The following CFAP157 variants were observed in gnomAD, a reference collection of about 807,000 sequenced individuals.
CFAP157 encodes cilia and flagella associated protein 157, also known as cilia- and flagella-associated protein 157.
A neutral mutation model predicts 57.8 loss-of-function variants in CFAP157; 43 were observed. That is an observed-to-expected ratio of 0.74 (90% confidence interval 0.58 to 0.96). CFAP157 has a LOEUF of 0.96. Ranked by LOEUF, CFAP157 falls within the 40% of genes least tolerant of loss-of-function variation. CFAP157 has a pLI of 0.00. For missense variants in CFAP157, 606 were observed against 655.3 expected (o/e 0.92, Z 0.82); for synonymous variants, 267 against 269.0 (o/e 0.99, Z 0.07).
intron 1 of CFAP157, among the ~76,000 whole-genome samples, chr9:127,708,162 T>C (rs1842688308): frequency 6.6e-6 from 1 of 152,174 alleles, no homozygotes; most frequent in Non-Finnish European, 1.5e-5. Context: ...TGAAAGATGT[T>C]GGTCAACTAA....
rs1300248255 is a variant in CFAP157 at position 127,709,593 on chromosome 9, CAA to C, written c.335_336del (p.Lys112ArgfsTer66). On this transcript the variant is annotated frameshift_variant, in exon 2 of 9. Transcript: ENST00000373295. LOFTEE classifies it high-confidence loss of function. This position sits in a 1 kb window ranked among gnomAD's most constrained non-coding sequence, Gnocchi z 4.7. Reference protein sequence around the residue: ...NEQLQNLQLAKEMEKDAFEAQ... With the variant: ...NEQLQNLQLAXEMEKDAFEAQ... Reference sequence around the variant, plus strand: ...AGCAGCTCCAGAACTTGCAGCTAGCCAAAGAGATGGAGAAGGATGCCTTCGAG... The same window carrying C: ...AGCAGCTCCAGAACTTGCAGCTAGCCAGAGATGGAGAAGGATGCCTTCGAG... 7 of 1,613,866 alleles carry C rather than the reference CAA, an allele frequency of 4.3e-6. No individual in the cohort carries two copies. Among genetic ancestry groups the C allele is most frequent in the African/African-American group, 1.3e-5 (1 of 74,916 alleles).
Position 127,711,216 on chromosome 9 carries a change from C to T in CFAP157, c.588-13C>T. On this transcript the variant is annotated splice_polypyrimidine_tract_variant and intron_variant, in intron 3 of 8. Transcript: ENST00000373295. ...CTCTGTCTGACCCCTTCCCCTCCCA[C>T]CTTTCTGGCCAGACTGAGGAAAGAG... 4 of 1,612,040 alleles carry T rather than the reference C, an allele frequency of 2.5e-6. No individual in the cohort carries two copies. The highest frequency in any genetic ancestry group is 3.4e-6 in the Non-Finnish European group (4 of 1,178,560).
At position 127,709,636 on chromosome 9, in the gene CFAP157, G is replaced by A. The variant is rs765346649; in HGVS notation, c.376G>A (p.Val126Met). 13 of 1,613,752 alleles carry A rather than the reference G, an allele frequency of 8.1e-6. No individual in the cohort carries two copies. The highest frequency in any genetic ancestry group is 9.3e-6 in the Non-Finnish European group (11 of 1,179,988). ...KDAFEAQLAQ[V>M]RHEFQETKDQ... ...TGCCTTCGAGGCGCAGCTGGCCCAG[G>A]TGCGCCACGAGTTCCAGGAGACCAA... is the stretch of plus-strand genomic sequence containing the variant. The change falls in exon 2 of 9, where the codon GTG (valine) becomes ATG (methionine). Residue 126 changes from valine to methionine, a missense_variant. Coordinates refer to ENST00000373295, the MANE Select transcript of CFAP157 (RefSeq NM_001012502.3). This position sits in a 1 kb window ranked among gnomAD's most constrained non-coding sequence, Gnocchi z 4.7.
Position 127,715,362 on chromosome 9 carries a change from C to T in CFAP157, c.*1457C>T. On this transcript the variant is annotated 3_prime_UTR_variant, in exon 9 of 9. Coordinates refer to ENST00000373295, the MANE Select transcript of CFAP157 (RefSeq NM_001012502.3). The surrounding 1 kb of genome is among the most constrained non-coding windows in gnomAD (Gnocchi z 5.8). ...CCCGACCCCTGAGAACTCCAGAAGG[C>T]TGGGCAGGCAGGGCGCCCTAGTGCA... The T allele has an allele frequency of 8.1e-7, 1 of 1,239,694 alleles. No individual in the cohort carries two copies. Among genetic ancestry groups the T allele is most frequent in the Non-Finnish European group, 1.1e-6 (1 of 874,878 alleles). The allele number at this position is 1,239,694 out of a possible 1,614,324, so 76.8% of individuals were successfully genotyped here.
At position 127,712,285 on chromosome 9, in the gene CFAP157, A is replaced by C. The variant is rs1190964092; in HGVS notation, c.1073A>C (p.Lys358Thr). ...CAGCAGGAACTGGCTAATGAGCAGA[A>C]GGTTCGGGCCAGCCTGGAGGCGGCT... ...RLQQELANEQ[K>T]VRASLEAALV... The change falls in exon 6 of 9, where the codon AAG (lysine) becomes ACG (threonine). Residue 358 changes from lysine to threonine, a missense_variant. By Grantham distance (78) the Lys-to-Thr change is moderately conservative. Transcript: ENST00000373295. The C allele has an allele frequency of 3.1e-6, 5 of 1,613,930 alleles. No homozygotes were observed. In the African/African-American group the frequency reaches 4.0e-5, roughly 13 times the overall value.
chr9:127,711,190 G>A lies in CFAP157; in HGVS notation c.588-39G>A, dbSNP rs202049393. On this transcript the variant is annotated intron_variant, in intron 3 of 8. Transcript: ENST00000373295. Reference sequence around the variant, plus strand: ...AGGGGTGTGCCCAGGGCTTGTGCCCGCTCTGTCTGACCCCTTCCCCTCCCA... The same window carrying A: ...AGGGGTGTGCCCAGGGCTTGTGCCCACTCTGTCTGACCCCTTCCCCTCCCA... 8.1e-6 allele frequency: 13 copies of A among 1,599,284 alleles called. No homozygotes were observed. In the East Asian group the frequency reaches 1.1e-4, roughly 14 times the overall value.
intron 1 of CFAP157, 150 bp downstream of exon 1, chr9:127,707,342 C>T (rs1375713743): frequency 1.3e-6 from 1 of 771,946 alleles, no homozygotes; most frequent in Non-Finnish European, 2.0e-6. Context: ...GCCTCATTTC[C>T]TCATACGTAC....
chr9:127,714,873 G>A lies in CFAP157; in HGVS notation c.*968G>A, dbSNP rs1842893273. On this transcript the variant is annotated 3_prime_UTR_variant, in exon 9 of 9. Coordinates refer to ENST00000373295, the MANE Select transcript of CFAP157 (RefSeq NM_001012502.3). ...ACTGGAGCTCAACAGGTACTTGGAG[G>A]TGAACCCGCGGATCTGTCACAGCCA... The A allele has an allele frequency of 1.8e-6, 2 of 1,117,018 alleles. No homozygotes were observed. Among genetic ancestry groups the A allele is most frequent in the East Asian group, 5.2e-5 (2 of 38,808 alleles). 69.2% of individuals were successfully genotyped at this position (1,117,018 alleles called of 1,614,324 possible). A position where few individuals can be genotyped will look rare whatever the true frequency, so the allele number is the denominator to read the frequency against.
In CFAP157 at chr9:127,714,225, C is replaced by A; in HGVS notation, c.*320C>A. 3 of 1,613,900 alleles carry A rather than the reference C, an allele frequency of 1.9e-6. No homozygotes were observed. Among genetic ancestry groups the A allele is most frequent in the Non-Finnish European group, 2.5e-6 (3 of 1,179,996 alleles). Reference sequence around the variant, plus strand: ...GGGGAGAAGCAGCCCAGCACATGGGCCTGAACCGCCTCAGGGTGCGCCGGG... The same window carrying A: ...GGGGAGAAGCAGCCCAGCACATGGGACTGAACCGCCTCAGGGTGCGCCGGG... On this transcript the variant is annotated 3_prime_UTR_variant, in exon 9 of 9. Transcript: ENST00000373295.
intron 5 of CFAP157, 122 bp from the exon 6 acceptor site, chr9:127,712,077 G>C: frequency 6.6e-7 from 1 of 1,504,838 alleles, no homozygotes; most frequent in Non-Finnish European, 8.9e-7. Context: ...CAGACAGGCT[G>C]AGGCTTGGGG....
At chr9:127,712,544 G>A in intron 6 of CFAP157, 165 bp from the exon 7 acceptor site, 1 of 1,519,204 alleles carries the variant, frequency 6.6e-7, no homozygotes, top group Non-Finnish European at 8.8e-7. Context: ...TTCCTTCTCT[G>A]AGGCTCTGAA....
Position 127,714,815 on chromosome 9 carries a change from G to T in CFAP157, c.*910G>T. On this transcript the variant is annotated 3_prime_UTR_variant, in exon 9 of 9. Coordinates refer to ENST00000373295, the MANE Select transcript of CFAP157 (RefSeq NM_001012502.3). ...ATCCCACTTCACATATAAAGAAACT[G>T]AGGCCCCCCGAAGTACCCAAAGCCA... The T allele has an allele frequency of 9.1e-7, 1 of 1,102,338 alleles. No homozygotes were observed. Among genetic ancestry groups the T allele is most frequent in the South Asian group, 1.4e-5 (1 of 72,016 alleles). The allele number at this position is 1,102,338 out of a possible 1,614,324, so 68.3% of individuals were successfully genotyped here.
In CFAP157 at chr9:127,709,597, G is replaced by T; in HGVS notation, c.337G>T (p.Glu113Ter). The T allele has an allele frequency of 6.2e-7, 1 of 1,614,064 alleles. No homozygotes were observed. The highest frequency in any genetic ancestry group is 1.1e-5 in the South Asian group (1 of 91,080). Residue 113 changes from glutamate to a stop codon, truncating the protein, a stop_gained, in exon 2 of 9, where the codon GAG (glutamate) becomes TAG (stop). Transcript: ENST00000373295. LOFTEE classifies it high-confidence loss of function. The surrounding 1 kb of genome is among the most constrained non-coding windows in gnomAD (Gnocchi z 4.7). Reference sequence around the variant, plus strand: ...GCTCCAGAACTTGCAGCTAGCCAAAGAGATGGAGAAGGATGCCTTCGAGGC... The same window carrying T: ...GCTCCAGAACTTGCAGCTAGCCAAATAGATGGAGAAGGATGCCTTCGAGGC... Reference protein sequence around the residue: ...EQLQNLQLAKEMEKDAFEAQL... With the variant: ...EQLQNLQLAK
rs1246152791 is a variant in CFAP157 at position 127,714,692 on chromosome 9, A to G, written c.*787A>G. ...GGTAGACTTCCTCGGCAGTCAGCCC[A>G]AACAGCTCCGCTTAGCACAGGGAAA... is the stretch of plus-strand genomic sequence containing the variant. On this transcript the variant is annotated 3_prime_UTR_variant, in exon 9 of 9. Transcript: ENST00000373295. 2 of 1,612,238 alleles carry G rather than the reference A, an allele frequency of 1.2e-6. No individual in the cohort carries two copies. Among genetic ancestry groups the G allele is most frequent in the African/African-American group, 2.7e-5 (2 of 74,848 alleles).
rs763805931 is a variant in CFAP157, at chr9:127,715,657, C to T, written c.*1752C>T. 3 of 1,607,624 alleles carry T rather than the reference C, an allele frequency of 1.9e-6. No homozygotes were observed. Among genetic ancestry groups the T allele is most frequent in the African/African-American group, 2.7e-5 (2 of 74,842 alleles). On this transcript the variant is annotated 3_prime_UTR_variant, in exon 9 of 9. Coordinates refer to ENST00000373295, the MANE Select transcript of CFAP157 (RefSeq NM_001012502.3). The surrounding 1 kb of genome is among the most constrained non-coding windows in gnomAD (Gnocchi z 5.8). ...GGCCTCATGCTGCCCCCATTCACTC[C>T]GACACCGCCCCCTGACGTCATCACC... is the stretch of plus-strand genomic sequence containing the variant.
chr9:127,713,496 C>CTT (rs58502035), intron 8 of CFAP157: 73 of 90,930 alleles, frequency 8.0e-4, no homozygotes, highest in East Asian at 1.1e-3. Flanking sequence ...CAGCATCTTT[C>CTT]TTTTTTTTTT....
chr9:127,712,588 TGGG>T, intron 6 of CFAP157, 118 bp from the exon 7 acceptor site: 1 of 1,575,952 alleles, frequency 6.3e-7, no homozygotes, highest in Non-Finnish European at 8.6e-7. Context: ...GACTGAAGAA[TGGG>T]TATCCCACCA....
Position 127,712,226 on chromosome 9 carries a change from G to A in CFAP157, c.1014G>A (p.Gln338=), listed in dbSNP as rs1465082531. ...LKSQRDQLSL[Q]LEQQQVDLQR... Reference sequence around the variant, plus strand: ...GCCAGAGAGACCAGCTGAGCCTGCAGCTGGAGCAGCAGCAGGTGGATTTGC... The same window carrying A: ...GCCAGAGAGACCAGCTGAGCCTGCAACTGGAGCAGCAGCAGGTGGATTTGC... Residue 338 remains glutamine (Q), a synonymous_variant, in exon 6 of 9, where the codon CAG becomes CAA. Coordinates refer to ENST00000373295, the MANE Select transcript of CFAP157 (RefSeq NM_001012502.3). The A allele has an allele frequency of 6.2e-7, 1 of 1,613,968 alleles. No individual in the cohort carries two copies. Among genetic ancestry groups the A allele is most frequent in the Admixed American group, 1.7e-5 (1 of 60,010 alleles).
rs746718039 is a variant in CFAP157, at chr9:127,712,835, C to A, written c.1264C>A (p.Pro422Thr). The A allele has an allele frequency of 9.9e-6, 16 of 1,613,670 alleles. No individual in the cohort carries two copies. Among genetic ancestry groups the A allele is most frequent in the Non-Finnish European group, 1.4e-5 (16 of 1,179,762 alleles). The change falls in exon 7 of 9, where the codon CCC becomes ACC. Residue 422 changes from proline to threonine, a missense_variant. Coordinates refer to ENST00000373295, the MANE Select transcript of CFAP157 (RefSeq NM_001012502.3). ...CACGAGACCTCAGAAGGCTGCGTGT[C>A]CCCACCAGGAGTCACAGTCCCATGG... ...VATRPQKAAC[P>T]HQESQSHGPP...
Sources: allele counts gnomAD v4.1 joint callset (sites outside exome capture counted in the v4.1 genomes callset), GRCh38; gene constraint gnomAD v4.1.1; non-coding constraint Gnocchi (gnomAD v3.1); transcripts MANE v1.5; gene names NCBI Gene and HGNC (gene_info 2026-07-23, HGNC 2026-07-21).